The following CTNNBL1 variants were observed in gnomAD, a reference collection of about 807,000 sequenced individuals.
The protein encoded by CTNNBL1 is catenin beta like 1.
Under a neutral mutation model 72.7 loss-of-function variants are expected in CTNNBL1, and 31 were observed. The ratio of observed to expected loss-of-function variants is 0.43; its 90% CI spans 0.32 to 0.58. CTNNBL1 has a LOEUF of 0.58. Among genes scored for constraint, CTNNBL1 ranks in the 20% least tolerant of loss-of-function variants. CTNNBL1 has a pLI of 0.08. For missense variants in CTNNBL1, 534 were observed against 725.1 expected, an observed-to-expected ratio of 0.74 and a Z score of 3.03; for synonymous variants, 240 against 267.3, an observed-to-expected ratio of 0.90 and a Z score of 1.00.
At chr20:37,758,665 C>T (rs955023514) in intron 5 of CTNNBL1, among the ~76,000 whole-genome samples, 10 of 152,232 alleles carry the variant, frequency 6.6e-5, no homozygotes, top group Admixed American at 3.9e-4. Flanking sequence ...CTCTGTCCAC[C>T]TGCAGAGCTG....
chr20:37,833,850 C>G (rs2072232489), intron 11 of CTNNBL1, among the ~76,000 whole-genome samples: 1 of 152,124 alleles, frequency 6.6e-6, no homozygotes, highest in African/African-American at 2.4e-5. Context: ...GAAATCTGTT[C>G]TTAGGGAAGC....
chr20:37,705,877 C>T (rs1202667359), intron 1 of CTNNBL1, among the ~76,000 whole-genome samples: 3 of 152,178 alleles, frequency 2.0e-5, no homozygotes, highest in Non-Finnish European at 4.4e-5. Flanking sequence ...TTTACCTTCT[C>T]CAAGGTCAGC....
intron 1 of CTNNBL1, among the ~76,000 whole-genome samples, chr20:37,731,494 C>G (rs1319053794): frequency 6.6e-6 from 1 of 152,186 alleles, no homozygotes; most frequent in African/African-American, 2.4e-5. Context: ...CTCAGCCTCC[C>G]AAAGTGCTGG....
chr20:37,802,392 T>C (rs2073830388), intron 10 of CTNNBL1, among the ~76,000 whole-genome samples: 3 of 152,220 alleles, frequency 2.0e-5, no homozygotes, highest in Admixed American at 1.3e-4. Flanking sequence ...TAGTTTCTTC[T>C]CAGGGCAATG....
intron 1 of CTNNBL1, among the ~76,000 whole-genome samples, chr20:37,721,392 G>T (rs1381816179): frequency 6.6e-6 from 1 of 152,188 alleles, no homozygotes; most frequent in Non-Finnish European, 1.5e-5. Flanking sequence ...GAGAGATCTT[G>T]TTGACTTTAA....
chr20:37,772,257 A>G (rs2073531680), intron 7 of CTNNBL1, among the ~76,000 whole-genome samples: 1 of 152,220 alleles, frequency 6.6e-6, no homozygotes, highest in Non-Finnish European at 1.5e-5. Context: ...AGCATCACCT[A>G]GTGCCTTGTT....
At chr20:37,870,740 A>G (rs1033879327) in intron 15 of CTNNBL1, among the ~76,000 whole-genome samples, 4 of 152,048 alleles carry the variant, frequency 2.6e-5, no homozygotes, top group African/African-American at 9.7e-5. Context: ...GACCCACCGC[A>G]CAGAAAGGCC....
intron 1 of CTNNBL1, among the ~76,000 whole-genome samples, chr20:37,728,107 T>TC (rs2073100182): frequency 6.6e-6 from 1 of 152,176 alleles, no homozygotes. Flanking sequence ...ACCCTTCAGA[T>TC]GGAAATCCCC....
At chr20:37,701,146 T>A (rs1202026485) in intron 1 of CTNNBL1, among the ~76,000 whole-genome samples, 2 of 152,246 alleles carry the variant, frequency 1.3e-5, no homozygotes, top group Non-Finnish European at 2.9e-5. Context: ...TGTTCTATGT[T>A]TTTAATTTAA....
At chr20:37,783,435 C>G (rs1411080441) in intron 10 of CTNNBL1, among the ~76,000 whole-genome samples, 1 of 151,906 alleles carries the variant, frequency 6.6e-6, no homozygotes, top group Non-Finnish European at 1.5e-5. Context: ...TTTTCTAATT[C>G]TTTAAGATGT....
At chr20:37,798,878 A>G (rs1025536019) in intron 10 of CTNNBL1, among the ~76,000 whole-genome samples, 1 of 152,160 alleles carries the variant, frequency 6.6e-6, no homozygotes, top group Non-Finnish European at 1.5e-5. Flanking sequence ...CAATACAGAT[A>G]TTATATCTCA....
intron 1 of CTNNBL1, among the ~76,000 whole-genome samples, chr20:37,729,168 C>T (rs905243183): frequency 2.6e-5 from 4 of 152,038 alleles, no homozygotes; most frequent in African/African-American, 9.7e-5. Flanking sequence ...CCTCAGATGC[C>T]CTGTCTCAGT....
chr20:37,718,043 A>G (rs868381043), intron 1 of CTNNBL1, among the ~76,000 whole-genome samples: 4,883 of 152,210 alleles, frequency 0.032, 250 homozygotes, highest in African/African-American at 0.11. Context: ...CGATTTCTCA[A>G]TCTTTTCCCC....
intron 11 of CTNNBL1, among the ~76,000 whole-genome samples, chr20:37,834,734 A>AGTCC: frequency 6.6e-6 from 1 of 152,308 alleles, no homozygotes; most frequent in East Asian, 1.9e-4. Flanking sequence ...CATGACCTTA[A>AGTCC]GTCCGTTAAT....
chr20:37,844,841 G>T (rs60131691), intron 13 of CTNNBL1, among the ~76,000 whole-genome samples: 4 of 152,132 alleles, frequency 2.6e-5, no homozygotes, highest in African/African-American at 9.7e-5. Context: ...CCAGTTACTC[G>T]GGAGGCTGAG....
intron 5 of CTNNBL1, among the ~76,000 whole-genome samples, chr20:37,763,240 G>A (rs757401955): frequency 8.5e-5 from 13 of 152,210 alleles, no homozygotes; most frequent in South Asian, 6.2e-4. Flanking sequence ...TTTCTCTCAC[G>A]TACTCAAAAT....
rs2072082977 is a variant in CTNNBL1, at chr20:37,818,963, C to G, written c.1213+15915C>G. ...TCTGTTGTTCTTTTCCTTTTTTAGG[C>G]TCCCCTCACCACTATTTTAAATTGT... On this transcript the variant is annotated intron_variant, in intron 11 of 15. Coordinates refer to ENST00000361383, the MANE Select transcript of CTNNBL1 (RefSeq NM_030877.5). Among the ~76,000 whole-genome samples the G allele has an allele frequency of 2.0e-5, 3 of 152,288 alleles. No homozygotes were observed. In the South Asian group the frequency reaches 6.2e-4, roughly 32 times the overall value.
At chr20:37,796,598 T>C (rs904675297) in intron 10 of CTNNBL1, among the ~76,000 whole-genome samples, 2 of 152,166 alleles carry the variant, frequency 1.3e-5, no homozygotes, top group African/African-American at 2.4e-5. Context: ...GTAATGCAAT[T>C]AACTTGTATA....
At chr20:37,829,524 T>G (rs1235425545) in intron 11 of CTNNBL1, among the ~76,000 whole-genome samples, 1 of 152,200 alleles carries the variant, frequency 6.6e-6, no homozygotes, top group Non-Finnish European at 1.5e-5. Flanking sequence ...ACGTTCATAT[T>G]TATCTCTGAT....
Sources: allele counts gnomAD v4.1 joint callset (sites outside exome capture counted in the v4.1 genomes callset), GRCh38; gene constraint gnomAD v4.1.1; transcripts MANE v1.5; gene names NCBI Gene and HGNC (gene_info 2026-07-23, HGNC 2026-07-21).